Variants in PIEZO2 observed in about 807,000 individuals in gnomAD.
The protein encoded by PIEZO2 is piezo type mechanosensitive ion channel component 2.
In PIEZO2, 172 loss-of-function variants were observed where a neutral mutation model predicts 337.3. The ratio of observed to expected loss-of-function variants is 0.51; its 90% confidence interval spans 0.45 to 0.58. The LOEUF (loss-of-function observed/expected upper bound fraction) is 0.58. Ranked by LOEUF, PIEZO2 falls within the 20% of genes least tolerant of loss-of-function variation. The pLI is 0.00. For missense variants in PIEZO2, 3,028 were observed against 3,391.3 expected, an observed-to-expected ratio of 0.89 and a Z score of 2.66; for synonymous variants, 1,251 against 1,228.5, an observed-to-expected ratio of 1.02 and a Z score of -0.38.
At position 10,872,106 on chromosome 18, in the gene PIEZO2, G is replaced by A. The variant is rs995203402; in HGVS notation, c.330-691C>T. ...CAAGTGACATGAGATACTAGGTCAC[G>A]GTTTTAGAAGAAAATATAAATACAT... On this transcript the variant is annotated intron_variant, in intron 4 of 55. Transcript: ENST00000674853. This position sits in a 1 kb window ranked among gnomAD's most constrained non-coding sequence, Gnocchi z 4.3. 2.6e-5 allele frequency among the ~76,000 whole-genome samples: 4 copies of A among 152,076 alleles called. No individual in the cohort carries two copies. Among genetic ancestry groups the A allele is most frequent in the African/African-American group, 4.8e-5 (2 of 41,388 alleles).
At chr18:10,763,993 GC>G (rs1194694271) in intron 21 of PIEZO2, among the ~76,000 whole-genome samples, 1 of 152,144 alleles carries the variant, frequency 6.6e-6, no homozygotes, top group Non-Finnish European at 1.5e-5. Flanking sequence ...TACTGAGACA[GC>G]AACGCTGATA....
In PIEZO2 at chr18:10,982,215, T is replaced by C. The variant is rs2034693136; in HGVS notation, c.161-2555A>G. 6.6e-6 allele frequency among the ~76,000 whole-genome samples: 1 copy of C among 152,182 alleles called. No homozygotes were observed. Among genetic ancestry groups the C allele is most frequent in the East Asian group, 1.9e-4 (1 of 5,196 alleles). On this transcript the variant is annotated intron_variant, in intron 2 of 55. Transcript: ENST00000674853. This position sits in a 1 kb window ranked among gnomAD's most constrained non-coding sequence, Gnocchi z 4.1. ...GTTTGTAAATATCCATTACTAGGTGTATTCGGGTTCTCTAGAGGGACAGGA... is the reference window on the plus strand; with the variant it reads ...GTTTGTAAATATCCATTACTAGGTGCATTCGGGTTCTCTAGAGGGACAGGA...
At chr18:10,712,836 A>T (rs2035872493) in intron 39 of PIEZO2, among the ~76,000 whole-genome samples, 1 of 152,244 alleles carries the variant, frequency 6.6e-6, no homozygotes, top group African/African-American at 2.4e-5. Flanking sequence ...CTTTAAACCA[A>T]ATCTCAATTA....
At chr18:11,025,207 A>T (rs908794961) in intron 2 of PIEZO2, among the ~76,000 whole-genome samples, 7 of 152,172 alleles carry the variant, frequency 4.6e-5, no homozygotes, top group Non-Finnish European at 7.3e-5. Context: ...GGAGATGAAA[A>T]TAACAATAGC....
intron 1 of PIEZO2, among the ~76,000 whole-genome samples, chr18:11,140,161 C>G (rs970254595): frequency 1.3e-4 from 20 of 152,158 alleles, no homozygotes; most frequent in African/African-American, 4.8e-4. Context: ...ACACCTGAGG[C>G]TCCCTTCAAA....
chr18:11,053,181 A>G (rs1005942958), intron 2 of PIEZO2, among the ~76,000 whole-genome samples: 5 of 152,212 alleles, frequency 3.3e-5, no homozygotes, highest in Non-Finnish European at 7.3e-5. Context: ...AATTTTATGA[A>G]CTTAGTAGAG....
At position 10,828,106 on chromosome 18, in the gene PIEZO2, T is replaced by C. The variant is rs569238952; in HGVS notation, c.918-20832A>G. On this transcript the variant is annotated intron_variant, in intron 7 of 55. Coordinates refer to ENST00000674853, the MANE Select transcript of PIEZO2 (RefSeq NM_001378183.1). The surrounding 1 kb of genome is among the most constrained non-coding windows in gnomAD (Gnocchi z 4.1). ...TCAATAAACCTAGACAAGCTCGAAA[T>C]AGCATGACGGTTTTTTTTTGTTTGT... 3.0e-4 allele frequency among the ~76,000 whole-genome samples: 45 copies of C among 150,104 alleles called. No individual in the cohort carries two copies. Among genetic ancestry groups the C allele is most frequent in the Non-Finnish European group, 6.2e-4 (42 of 67,808 alleles).
At chr18:10,848,150 A>C (rs898804462) in intron 7 of PIEZO2, among the ~76,000 whole-genome samples, 13 of 152,342 alleles carry the variant, frequency 8.5e-5, no homozygotes, top group African/African-American at 3.1e-4. Context: ...AGCCGCTTGC[A>C]AAGCAAGACC....
intron 4 of PIEZO2, among the ~76,000 whole-genome samples, chr18:10,905,885 G>C (rs1223232119): frequency 3.9e-5 from 6 of 152,158 alleles, no homozygotes; most frequent in African/African-American, 1.4e-4. Flanking sequence ...CGGCACCAGG[G>C]TATTAAGAGA....
intron 2 of PIEZO2, among the ~76,000 whole-genome samples, chr18:11,026,006 T>C (rs765293623): frequency 2.6e-5 from 4 of 152,098 alleles, no homozygotes; most frequent in African/African-American, 9.7e-5. Flanking sequence ...AAGTCCCCTT[T>C]TCAGAGCTGC....
chr18:10,746,285 C>A lies in PIEZO2; in HGVS notation c.4425-2054G>T, dbSNP rs2037418458. Among the ~76,000 whole-genome samples, 1 of 152,190 alleles carries A rather than the reference C, an allele frequency of 6.6e-6. No homozygotes were observed. Among genetic ancestry groups the A allele is most frequent in the Admixed American group, 6.5e-5 (1 of 15,288 alleles). On this transcript the variant is annotated intron_variant, in intron 30 of 55. Coordinates refer to ENST00000674853, the MANE Select transcript of PIEZO2 (RefSeq NM_001378183.1). This position sits in a 1 kb window ranked among gnomAD's most constrained non-coding sequence, Gnocchi z 4.2. ...CTAAAGACATATCTGGGCTGATAGC[C>A]CCCTGAGGACCTGGCCTCTCCTGGC...
At position 11,001,011 on chromosome 18, in the gene PIEZO2, G is replaced by C. The variant is rs1386598512; in HGVS notation, c.161-21351C>G. 6.6e-6 allele frequency among the ~76,000 whole-genome samples: 1 copy of C among 152,176 alleles called. No homozygotes were observed. The highest frequency in any genetic ancestry group is 1.5e-5 in the Non-Finnish European group (1 of 68,032). On this transcript the variant is annotated intron_variant, in intron 2 of 55. Transcript: ENST00000674853. The surrounding 1 kb of genome is among the most constrained non-coding windows in gnomAD (Gnocchi z 5.3). ...CCAGACATGAGTGTTACCTGGGCAA[G>C]ACAGCTTCCTACAGTTAAAGGCAAT... is the stretch of plus-strand genomic sequence containing the variant.
At chr18:11,124,623 A>G (rs1410063608) in intron 1 of PIEZO2, among the ~76,000 whole-genome samples, 1 of 152,066 alleles carries the variant, frequency 6.6e-6, no homozygotes, top group African/African-American at 2.4e-5. Flanking sequence ...CTGCCCCTCT[A>G]GACTGGCAGG....
rs2036952631 is a variant in PIEZO2 at position 10,735,317 on chromosome 18, T to C, written c.4829A>G (p.Lys1610Arg). ...CAAGGCTAAAATGGCTGATGCAAACTTCCCAATAGCTCTCTACAAAGAAGG... is the reference window on the plus strand; with the variant it reads ...CAAGGCTAAAATGGCTGATGCAAACCTCCCAATAGCTCTCTACAAAGAAGG... ...RRSAFQRAIGKFASAILALPK... is the reference protein window; with the variant it reads ...RRSAFQRAIGRFASAILALPK... Residue 1610 changes from lysine to arginine, a missense_variant, in exon 35 of 56, where the codon AAG (lysine) becomes AGG (arginine). Coordinates refer to ENST00000674853, the MANE Select transcript of PIEZO2 (RefSeq NM_001378183.1). Among the ~76,000 whole-genome samples, 2 of 152,176 alleles carry C rather than the reference T, an allele frequency of 1.3e-5. No homozygotes were observed.
intron 1 of PIEZO2, among the ~76,000 whole-genome samples, chr18:11,138,929 A>C (rs975978985): frequency 5.9e-5 from 9 of 152,210 alleles, no homozygotes; most frequent in African/African-American, 2.2e-4. Flanking sequence ...AACTTTCAAC[A>C]GGTCATGTTC....
At chr18:10,923,113 G>C (rs2031526482) in intron 3 of PIEZO2, among the ~76,000 whole-genome samples, 1 of 152,132 alleles carries the variant, frequency 6.6e-6, no homozygotes, top group Non-Finnish European at 1.5e-5. Flanking sequence ...TTCAAAGCTA[G>C]ATGAATAGGA....
intron 22 of PIEZO2, 99 bp from the exon 23 acceptor site, chr18:10,762,724 G>A (rs2038189028): frequency 7.1e-7 from 1 of 1,417,086 alleles, no homozygotes; most frequent in African/African-American, 1.4e-5. Flanking sequence ...ATAGTGGTAG[G>A]ATGGGAGGGA....
intron 3 of PIEZO2, among the ~76,000 whole-genome samples, chr18:10,948,914 G>C (rs529227389): frequency 2.0e-4 from 30 of 152,224 alleles, no homozygotes; most frequent in Admixed American, 1.7e-3. Flanking sequence ...TATATGTGAG[G>C]GTGTTACGGC....
chr18:10,755,924 T>C (rs1305861462), intron 27 of PIEZO2, among the ~76,000 whole-genome samples: 1 of 138,246 alleles, frequency 7.2e-6, no homozygotes, highest in Non-Finnish European at 1.6e-5. Flanking sequence ...GGAGGAGGGA[T>C]GGGGGATAAG....
Sources: allele counts gnomAD v4.1 joint callset (sites outside exome capture counted in the v4.1 genomes callset), GRCh38; gene constraint gnomAD v4.1.1; non-coding constraint Gnocchi (gnomAD v3.1); transcripts MANE v1.5; gene names NCBI Gene and HGNC (gene_info 2026-07-23, HGNC 2026-07-21).